The following LRRC7 variants were observed in gnomAD, a reference collection of about 807,000 sequenced individuals.
LRRC7 encodes leucine-rich repeat-containing protein 7.
Under a neutral mutation model 175.7 loss-of-function variants are expected in LRRC7, and 23 were observed. The ratio of observed to expected loss-of-function variants is 0.13; its 90% CI spans 0.09 to 0.19. The LOEUF (loss-of-function observed/expected upper bound fraction) is 0.19, where lower values mean the gene tolerates loss of function less well. LRRC7 is among the 10% of genes least tolerant of loss of function. The pLI, the probability that LRRC7 is intolerant of heterozygous loss-of-function variation, is 1.00. For missense variants in LRRC7, 1,354 were observed against 1,904.7 expected (o/e 0.71, Z 5.38); for synonymous variants, 685 against 680.9 (o/e 1.01, Z -0.09).
intron 2 of LRRC7, among the ~76,000 whole-genome samples, chr1:69,698,584 C>G (rs1377152889): frequency 2.6e-5 from 4 of 152,144 alleles, no homozygotes; most frequent in African/African-American, 7.2e-5. Flanking sequence ...TTTCTAGTAC[C>G]CTTCCTCACC....
At chr1:69,778,713 G>A (rs1405778138) in intron 3 of LRRC7, among the ~76,000 whole-genome samples, 2 of 152,082 alleles carry the variant, frequency 1.3e-5, no homozygotes, top group African/African-American at 4.8e-5. Context: ...TGATTCCAAA[G>A]TTTATAATCT....
chr1:69,643,872 A>T (rs1145928), intron 1 of LRRC7, among the ~76,000 whole-genome samples: 33,462 of 151,666 alleles, frequency 0.22, 4,168 homozygotes, highest in South Asian at 0.29. Context: ...ATTAGGAATT[A>T]AAAAAAAACT....
intron 7 of LRRC7, among the ~76,000 whole-genome samples, chr1:69,888,207 C>T (rs1478841720): frequency 2.0e-5 from 3 of 152,048 alleles, no homozygotes; most frequent in Non-Finnish European, 4.4e-5. Context: ...GCGGTCGCCC[C>T]TCCCCCAGCC....
intron 2 of LRRC7, among the ~76,000 whole-genome samples, chr1:69,682,149 C>T (rs955781248): frequency 1.3e-5 from 2 of 152,126 alleles, no homozygotes; most frequent in African/African-American, 4.8e-5. Flanking sequence ...CCAGAAGCTC[C>T]TTGCTGTATA....
At chr1:70,015,838 G>C (rs1472467149) in intron 13 of LRRC7, among the ~76,000 whole-genome samples, 1 of 152,078 alleles carries the variant, frequency 6.6e-6, no homozygotes, top group African/African-American at 2.4e-5. Context: ...CATAATATTG[G>C]GAGCTGTACC....
At chr1:70,078,195 T>C (rs79836512) in intron 24 of LRRC7, among the ~76,000 whole-genome samples, 1,736 of 152,288 alleles carry the variant, frequency 0.011, 26 homozygotes, top group Non-Finnish European at 0.014. Context: ...CATGAATATA[T>C]ACAAATATCA....
At chr1:69,950,851 G>A (rs1159109068) in intron 8 of LRRC7, among the ~76,000 whole-genome samples, 1 of 152,076 alleles carries the variant, frequency 6.6e-6, no homozygotes, top group African/African-American at 2.4e-5. Flanking sequence ...GCTTTTAGTT[G>A]TAATCTGGAT....
chr1:69,792,395 C>T (rs553587702), intron 4 of LRRC7, among the ~76,000 whole-genome samples: 84 of 152,122 alleles, frequency 5.5e-4, no homozygotes, highest in African/African-American at 1.9e-3. Flanking sequence ...TGCATTCAGA[C>T]ATGTGATCTA....
intron 2 of LRRC7, among the ~76,000 whole-genome samples, chr1:69,748,069 C>G (rs1163340368): frequency 6.6e-6 from 1 of 152,068 alleles, no homozygotes; most frequent in Non-Finnish European, 1.5e-5. Context: ...TAAATTTATA[C>G]CCAAAGCAAC....
chr1:69,629,718 G>C (rs1221247661), intron 1 of LRRC7, among the ~76,000 whole-genome samples: 1 of 151,976 alleles, frequency 6.6e-6, no homozygotes, highest in East Asian at 1.9e-4. Context: ...CTTAATTACT[G>C]TCATGTTCTT....
chr1:69,919,451 G>C, intron 7 of LRRC7: 1 of 977,198 alleles, frequency 1.0e-6, no homozygotes, highest in Non-Finnish European at 1.6e-6. Context: ...ACTAACCCCA[G>C]CCAGTGGGAG....
At chr1:70,070,413 T>C (rs1433870413) in intron 23 of LRRC7, among the ~76,000 whole-genome samples, 1 of 152,236 alleles carries the variant, frequency 6.6e-6, no homozygotes. Context: ...GTATGATAAT[T>C]CTAACATCTT....
intron 1 of LRRC7, among the ~76,000 whole-genome samples, chr1:69,673,678 T>C (rs1231928504): frequency 6.6e-6 from 1 of 152,242 alleles, no homozygotes; most frequent in Non-Finnish European, 1.5e-5. Context: ...AGTTATATAA[T>C]AATTTAGACA....
intron 18 of LRRC7, among the ~76,000 whole-genome samples, chr1:70,034,434 C>A (rs12025814): frequency 0.095 from 14,454 of 152,042 alleles, 690 homozygotes; most frequent in South Asian, 0.13. Context: ...CTGTGAAGCC[C>A]GTGTGAAAAA....
At chr1:69,606,869 A>G (rs1647672103) in intron 1 of LRRC7, 1 of 152,104 alleles carries the variant, frequency 6.6e-6, no homozygotes, top group African/African-American at 2.4e-5. Flanking sequence ...GAAATAGAAG[A>G]TTTCAAGAAA....
At chr1:69,624,946 T>C (rs908764244) in intron 1 of LRRC7, among the ~76,000 whole-genome samples, 3 of 152,160 alleles carry the variant, frequency 2.0e-5, no homozygotes, top group African/African-American at 7.2e-5. Flanking sequence ...TCTTTCCTTA[T>C]TCTTCAATAC....
rs558767580 is a variant in LRRC7 at position 70,096,298 on chromosome 1, T to C, written c.4545+6479T>C. ...GCCTATGCATTTATTTAATTATTCA[T>C]TAGCTTTACAATATAAATAGTATAG... On this transcript the variant is annotated intron_variant, in intron 25 of 26. Coordinates refer to ENST00000651989, the MANE Select transcript of LRRC7 (RefSeq NM_001370785.2). Among the ~76,000 whole-genome samples the C allele has an allele frequency of 9.2e-5, 14 of 152,322 alleles. No individual in the cohort carries two copies. In the East Asian group the frequency reaches 2.7e-3, roughly 29 times the overall value.
chr1:69,945,195 A>C (rs1392939896), intron 8 of LRRC7, among the ~76,000 whole-genome samples: 1 of 152,144 alleles, frequency 6.6e-6, no homozygotes, highest in Non-Finnish European at 1.5e-5. Flanking sequence ...TATGGGGTGG[A>C]ATAATGGTCC....
chr1:70,102,047 C>T (rs994088936), intron 25 of LRRC7, among the ~76,000 whole-genome samples: 4 of 152,086 alleles, frequency 2.6e-5, no homozygotes, highest in African/African-American at 7.2e-5. Flanking sequence ...CTAAAGAACC[C>T]GATGTGAGAG....
Sources: allele counts gnomAD v4.1 joint callset (sites outside exome capture counted in the v4.1 genomes callset), GRCh38; gene constraint gnomAD v4.1.1; transcripts MANE v1.5; gene names NCBI Gene and HGNC (gene_info 2026-07-23, HGNC 2026-07-21).